Variants in GOLGB1 observed in about 807,000 individuals in gnomAD.
GOLGB1 encodes golgin subfamily B member 1.
A neutral mutation model predicts 336.9 loss-of-function variants in GOLGB1; 174 were observed. That is an observed-to-expected ratio of 0.52 (90% CI 0.46 to 0.59). GOLGB1 has a LOEUF of 0.59. Ranked by LOEUF, GOLGB1 falls within the 20% of genes least tolerant of loss-of-function variation. The pLI, the probability that GOLGB1 is intolerant of heterozygous loss-of-function variation, is 0.00. For synonymous variants in GOLGB1, 1,208 were observed against 1,289.2 expected, an observed-to-expected ratio of 0.94 and a Z score of 1.35; for missense variants, 3,331 against 3,645.3, an observed-to-expected ratio of 0.91 and a Z score of 2.22.
At chr3:121,730,366 T>G (rs1007533668) in intron 2 of GOLGB1, 2 of 197,346 alleles carry the variant, frequency 1.0e-5, no homozygotes, top group South Asian at 1.4e-4. Flanking sequence ...CATTACTTCT[T>G]GTCTTTTCAG....
At chr3:121,679,503 A>G (rs534819847) in intron 15 of GOLGB1, among the ~76,000 whole-genome samples, 6 of 152,336 alleles carry the variant, frequency 3.9e-5, no homozygotes, top group Non-Finnish European at 2.9e-5. Flanking sequence ...GGAAACACCA[A>G]TGAGTACCAA....
chr3:121,695,414 C>A lies in GOLGB1; in HGVS notation c.5109G>T (p.Arg1703=). 6.2e-7 allele frequency: 1 copy of A among 1,614,024 alleles called. No individual in the cohort carries two copies. Among genetic ancestry groups the A allele is most frequent in the Non-Finnish European group, 8.5e-7 (1 of 1,179,990 alleles). Residue 1703 remains arginine, a synonymous_variant, in exon 13 of 22, where the codon CGG becomes CGT. Coordinates refer to ENST00000614479, the MANE Select transcript of GOLGB1 (RefSeq NM_001366282.2). ...KILELEEEND[R]LRAEVHPAGD... ...CTGCAGGGTGCACCTCTGCCCTAAG[C>A]CGGTCATTCTCTTCTTCCAGCTCTA...
chr3:121,715,107 C>G, intron 9 of GOLGB1, 131 bp from the exon 10 acceptor site: 1 of 570,684 alleles, frequency 1.8e-6, no homozygotes. Context: ...ATGCCAATGA[C>G]AACATTATTA....
chr3:121,685,326 A>G (rs1412585189), intron 14 of GOLGB1, among the ~76,000 whole-genome samples: 1 of 151,958 alleles, frequency 6.6e-6, no homozygotes, highest in East Asian at 1.9e-4. Flanking sequence ...CACGAGGTCA[A>G]AAGATTGAGA....
Position 121,671,690 on chromosome 3 carries a change from T to C in GOLGB1, c.9178-2335A>G, listed in dbSNP as rs1939558079. On this transcript the variant is annotated intron_variant, in intron 17 of 21. Transcript: ENST00000614479. Reference sequence around the variant, plus strand: ...TAGCTATTTTGAAATATACAATAGATTGTGGTAAACTATAATCACCTATTG... The same window carrying C: ...TAGCTATTTTGAAATATACAATAGACTGTGGTAAACTATAATCACCTATTG... Among the ~76,000 whole-genome samples, 3 of 152,192 alleles carry C rather than the reference T, an allele frequency of 2.0e-5. No homozygotes were observed. In the South Asian group the frequency reaches 6.2e-4, roughly 32 times the overall value.
intron 4 of GOLGB1, among the ~76,000 whole-genome samples, chr3:121,728,544 T>C (rs571808440): frequency 6.6e-5 from 10 of 152,372 alleles, no homozygotes; most frequent in African/African-American, 2.4e-4. Context: ...TGAATGTGAA[T>C]ATGTGGAGTT....
At position 121,714,963 on chromosome 3, in the gene GOLGB1, T is replaced by C; in HGVS notation, c.1302A>G (p.Gln434=). The change falls in exon 10 of 22, where the codon CAA becomes CAG. Residue 434 remains glutamine (Q), a synonymous_variant. Coordinates refer to ENST00000614479, the MANE Select transcript of GOLGB1 (RefSeq NM_001366282.2). The part of the protein sequence containing the change: ...TIQQLEDQLQ[Q]KSKEISQFLN... ...GAAATTGGCTAATTTCTTTGGATTT[T>C]TGCTGGAGCTGATCTAAGGAAAAGA... The C allele has an allele frequency of 6.3e-7, 1 of 1,596,502 alleles. No individual in the cohort carries two copies. The highest frequency in any genetic ancestry group is 8.6e-7 in the Non-Finnish European group (1 of 1,164,186).
At chr3:121,677,221 T>A in intron 16 of GOLGB1, 64 bp downstream of exon 16, 1 of 1,328,538 alleles carries the variant, frequency 7.5e-7, no homozygotes, top group Non-Finnish European at 1.1e-6. Context: ...AACAAAACCC[T>A]GCAATCATCA....
rs117192547 is a variant in GOLGB1, at chr3:121,724,941, G to A, written c.531+1972C>T. Among the ~76,000 whole-genome samples, 37 of 152,288 alleles carry A rather than the reference G, an allele frequency of 2.4e-4. 1 individual carries two copies. In the East Asian group the frequency reaches 5.4e-3, roughly 22 times the overall value. On this transcript the variant is annotated intron_variant, in intron 5 of 21. Coordinates refer to ENST00000614479, the MANE Select transcript of GOLGB1 (RefSeq NM_001366282.2). ...GCTCATGTCACAGCTCAAAAGGTAC[G>A]AGTTGTAAAACTTGGTAACATCCAC...
Position 121,693,733 on chromosome 3 carries a change from T to C in GOLGB1, c.6782+8A>G, listed in dbSNP as rs370158421. 8 of 1,579,186 alleles carry C rather than the reference T, an allele frequency of 5.1e-6. No individual in the cohort carries two copies. The highest frequency in any genetic ancestry group is 6.9e-6 in the Non-Finnish European group (8 of 1,158,270). ...CTCTGGAGGAGGAAAAATTCACTAC[T>C]CATTTACCTGGAAATGTTAATCTTT... On this transcript the variant is annotated splice_region_variant and intron_variant, in intron 13 of 21. Coordinates refer to ENST00000614479, the MANE Select transcript of GOLGB1 (RefSeq NM_001366282.2).
At chr3:121,713,846 G>C (rs1030658410) in intron 10 of GOLGB1, among the ~76,000 whole-genome samples, 4 of 152,128 alleles carry the variant, frequency 2.6e-5, no homozygotes, top group African/African-American at 9.7e-5. Context: ...GACAAATTTA[G>C]AGAGAAATGT....
rs144879291 is a variant in GOLGB1 at position 121,698,080 on chromosome 3, C to T, written c.2443G>A (p.Val815Met). ...SLSIEAKSKD[V>M]KIEVLQNELD... ...TCATTCTGTAAAACTTCAATTTTCA[C>T]ATCTTTAGATTTGGCTTCTATGCTG... Residue 815 changes from valine (V) to methionine (M), a missense_variant, in exon 13 of 22, where the codon GTG becomes ATG. Coordinates refer to ENST00000614479, the MANE Select transcript of GOLGB1 (RefSeq NM_001366282.2). The T allele has an allele frequency of 8.6e-5, 138 of 1,613,922 alleles. No homozygotes were observed. Among genetic ancestry groups the T allele is most frequent in the Non-Finnish European group, 1.1e-4 (129 of 1,179,966 alleles).
chr3:121,733,239 C>T (rs977157227), intron 1 of GOLGB1, among the ~76,000 whole-genome samples: 13 of 135,548 alleles, frequency 9.6e-5, no homozygotes, highest in Non-Finnish European at 1.5e-4. Context: ...AGGAGAATGG[C>T]GTGAACCCAG....
intron 13 of GOLGB1, 114 bp from the exon 14 acceptor site, chr3:121,692,695 A>G (rs556701043): frequency 2.5e-5 from 15 of 611,600 alleles, no homozygotes; most frequent in Non-Finnish European, 3.9e-5. Flanking sequence ...AACATTCATA[A>G]CAGGTGTTAA....
At chr3:121,737,308 T>C (rs1362382977) in intron 1 of GOLGB1, among the ~76,000 whole-genome samples, 1 of 152,184 alleles carries the variant, frequency 6.6e-6, no homozygotes, top group Non-Finnish European at 1.5e-5. Context: ...TTAGTTTACG[T>C]GATTATGCCT....
chr3:121,668,153 T>A lies in GOLGB1; in HGVS notation c.9327A>T (p.Pro3109=), dbSNP rs1332793034. 2 of 1,575,360 alleles carry A rather than the reference T, an allele frequency of 1.3e-6. No individual in the cohort carries two copies. Reference sequence around the variant, plus strand: ...CTCCTGGAGCAACATCTATATTTAGTGGCCCCTGGAAGAAGAATAAGCTTA... The same window carrying A: ...CTCCTGGAGCAACATCTATATTTAGAGGCCCCTGGAAGAAGAATAAGCTTA... ...EKQVQELQAG[P]LNIDVAPGAP... The change falls in exon 19 of 22, where the codon CCA becomes CCT. Residue 3109 remains proline, a synonymous_variant. Coordinates refer to ENST00000614479, the MANE Select transcript of GOLGB1 (RefSeq NM_001366282.2).
chr3:121,691,424 T>C lies in GOLGB1; in HGVS notation c.7940A>G (p.His2647Arg), dbSNP rs774802673. The C allele has an allele frequency of 1.2e-6, 2 of 1,613,680 alleles. No individual in the cohort carries two copies. Among genetic ancestry groups the C allele is most frequent in the Non-Finnish European group, 1.7e-6 (2 of 1,179,996 alleles). ...AQLKVKEEEV[H>R]RLSALFSSSQ... ...GGAGGAAAACAAAGCACTTAACCTG[T>C]GTACCTCTTCTTCTTTTACTTTTAA... The change falls in exon 14 of 22, where the codon CAC (histidine) becomes CGC (arginine). Residue 2647 changes from histidine (H) to arginine (R), a missense_variant. Physicochemically the swap from His to Arg is conservative, Grantham distance 29 (BLOSUM62 0). Coordinates refer to ENST00000614479, the MANE Select transcript of GOLGB1 (RefSeq NM_001366282.2).
intron 12 of GOLGB1, among the ~76,000 whole-genome samples, chr3:121,699,561 A>G (rs906299485): frequency 1.3e-5 from 2 of 152,188 alleles, no homozygotes; most frequent in Non-Finnish European, 2.9e-5. Context: ...CCCAGTATAA[A>G]AAAATGTGTT....
chr3:121,688,875 G>A lies in GOLGB1; in HGVS notation c.8694+1795C>T, dbSNP rs529192391. On this transcript the variant is annotated intron_variant, in intron 14 of 21. Coordinates refer to ENST00000614479, the MANE Select transcript of GOLGB1 (RefSeq NM_001366282.2). The stretch of plus-strand genomic sequence containing the variant: ...AGGTGAGGAGCATCTCTGCCCAGCC[G>A]CCCCGTCTGAGAAGTGAGGAGACCC... 2.6e-3 allele frequency among the ~76,000 whole-genome samples: 378 copies of A among 147,284 alleles called. 4 individuals are homozygous for A. The highest frequency in any genetic ancestry group is 9.3e-3 in the African/African-American group (366 of 39,398).
Sources: gnomAD v4.1 joint callset for allele counts (sites outside exome capture counted in the v4.1 genomes callset) on GRCh38, gnomAD v4.1.1 for gene constraint, MANE v1.5 for transcripts, NCBI Gene and HGNC (gene_info 2026-07-23, HGNC 2026-07-21) for gene names.